The following JAM2 variants were observed in gnomAD, a reference collection of about 807,000 sequenced individuals.
JAM2 encodes the protein junctional adhesion molecule 2.
A neutral mutation model predicts 42.0 loss-of-function variants in JAM2; 17 were observed. That is an observed-to-expected ratio of 0.40 (90% CI 0.28 to 0.61). JAM2 has a LOEUF of 0.61. Ranked by LOEUF, JAM2 falls within the 20% of genes least tolerant of loss-of-function variation. The pLI is 0.37. For synonymous variants in JAM2, 118 were observed against 128.6 expected, an observed-to-expected ratio of 0.92 and a Z score of 0.56; for missense variants, 319 against 358.3, an observed-to-expected ratio of 0.89 and a Z score of 0.89.
Position 25,715,012 on chromosome 21 carries a change from C to A in JAM2, c.*340C>A. The A allele has an allele frequency of 5.5e-6, 1 of 182,196 alleles. No individual in the cohort carries two copies. The highest frequency in any genetic ancestry group is 1.1e-5 in the Non-Finnish European group (1 of 88,472). 11.3% of individuals were successfully genotyped at this position (182,196 alleles called of 1,614,324 possible). On this transcript the variant is annotated 3_prime_UTR_variant, in exon 10 of 10. Transcript: ENST00000480456. ...CTGATTGTGAAGTCAATCCACAGGT[C>A]ATGAAAATATAAATCAGACTCTGCA... is the stretch of plus-strand genomic sequence containing the variant.
At chr21:25,694,071 C>A (rs887712050) in intron 4 of JAM2, among the ~76,000 whole-genome samples, 163 bp downstream of exon 4, 1 of 152,222 alleles carries the variant, frequency 6.6e-6, no homozygotes, top group African/African-American at 2.4e-5. Context: ...AATCTCCTGG[C>A]CATTTCTCCC....
chr21:25,682,429 G>A (rs527314403), intron 1 of JAM2, among the ~76,000 whole-genome samples: 19 of 152,352 alleles, frequency 1.2e-4, no homozygotes, highest in African/African-American at 4.3e-4. Context: ...AGTATGTGAA[G>A]GTGAAATGGG....
chr21:25,712,272 A>C, intron 8 of JAM2, 68 bp from the exon 9 acceptor site: 4 of 1,051,232 alleles, frequency 3.8e-6, no homozygotes, highest in Non-Finnish European at 6.0e-6. Flanking sequence ...AATTAACTAA[A>C]AGAGCATATA....
At chr21:25,645,693 AG>A (rs1368159171) in intron 1 of JAM2, among the ~76,000 whole-genome samples, 2 of 152,186 alleles carry the variant, frequency 1.3e-5, no homozygotes, top group Non-Finnish European at 2.9e-5. Context: ...ATGTGTCGTT[AG>A]GTGATTTTGT....
chr21:25,685,139 A>T (rs1200487806), intron 2 of JAM2, among the ~76,000 whole-genome samples: 2 of 152,178 alleles, frequency 1.3e-5, no homozygotes, highest in African/African-American at 4.8e-5. Flanking sequence ...CAAAGATTGA[A>T]GTAAAGGCCT....
intron 7 of JAM2, among the ~76,000 whole-genome samples, chr21:25,708,760 T>C (rs1429476753): frequency 1.3e-5 from 2 of 152,206 alleles, no homozygotes; most frequent in East Asian, 3.8e-4. Flanking sequence ...AATACTGGTC[T>C]GAGTTTTTTT....
intron 4 of JAM2, among the ~76,000 whole-genome samples, chr21:25,695,126 G>A (rs917030281): frequency 1.3e-5 from 2 of 152,036 alleles, no homozygotes; most frequent in South Asian, 2.1e-4. Context: ...AGGACCCTGC[G>A]GCCTTCCGCA....
At chr21:25,708,611 C>T (rs1194179772) in intron 7 of JAM2, among the ~76,000 whole-genome samples, 3 of 152,128 alleles carry the variant, frequency 2.0e-5, no homozygotes, top group African/African-American at 7.2e-5. Context: ...AATACTTGTT[C>T]AGTGCTTCAA....
chr21:25,695,642 C>A (rs1004909294), intron 4 of JAM2, among the ~76,000 whole-genome samples: 9 of 150,744 alleles, frequency 6.0e-5, no homozygotes, highest in Non-Finnish European at 1.3e-4. Flanking sequence ...GGCGGCAGGG[C>A]GGAGATGCTC....
intron 8 of JAM2, chr21:25,712,073 T>A (rs1434086914): frequency 5.1e-6 from 2 of 392,804 alleles, no homozygotes; most frequent in Non-Finnish European, 9.3e-6. Flanking sequence ...CTGGTTTGTG[T>A]ATTCCACAAA....
intron 1 of JAM2, 124 bp from the exon 2 acceptor site, chr21:25,683,759 T>C: frequency 1.5e-6 from 1 of 653,974 alleles, no homozygotes; most frequent in Non-Finnish European, 2.7e-6. Flanking sequence ...AAACTATGTG[T>C]TATGAATTGG....
chr21:25,699,445 G>C (rs1006686711), intron 5 of JAM2, among the ~76,000 whole-genome samples: 4 of 152,060 alleles, frequency 2.6e-5, no homozygotes, highest in African/African-American at 9.7e-5. Flanking sequence ...TTGCGCGGCC[G>C]GGCGCAGTGG....
At position 25,717,445 on chromosome 21, in the gene JAM2, T is replaced by C; in HGVS notation, c.*2773T>C. 1 of 431,158 alleles carries C rather than the reference T, an allele frequency of 2.3e-6. No homozygotes were observed. The highest frequency in any genetic ancestry group is 4.0e-6 in the Non-Finnish European group (1 of 252,396). The allele number at this position is 431,158 out of a possible 1,614,324, so 26.7% of individuals were successfully genotyped here. On this transcript the variant is annotated 3_prime_UTR_variant, in exon 10 of 10. Transcript: ENST00000480456. The stretch of plus-strand genomic sequence containing the variant: ...TGTTGTAACTAGATTTAATTTATTT[T>C]TAGTTGGAGGTTTGACCTAAGTCTG...
chr21:25,673,356 T>G (rs1192864156), intron 1 of JAM2, among the ~76,000 whole-genome samples: 14 of 152,356 alleles, frequency 9.2e-5, no homozygotes, highest in Admixed American at 9.1e-4. Context: ...GCATGTAACT[T>G]ATATGAAAAT....
chr21:25,667,304 C>T (rs1215908678), intron 1 of JAM2, among the ~76,000 whole-genome samples: 1 of 152,204 alleles, frequency 6.6e-6, no homozygotes, highest in Non-Finnish European at 1.5e-5. Context: ...TCACTTGAAG[C>T]AGATGATTCT....
intron 2 of JAM2, among the ~76,000 whole-genome samples, chr21:25,686,271 C>T (rs1173980072): frequency 6.6e-6 from 1 of 152,152 alleles, no homozygotes; most frequent in African/African-American, 2.4e-5. Flanking sequence ...TTTCATCTCA[C>T]CTCTTTTTAA....
rs145620074 is a variant in JAM2 at position 25,640,708 on chromosome 21, G to A, written c.67+820G>A. Among the ~76,000 whole-genome samples, 4 of 152,312 alleles carry A rather than the reference G, an allele frequency of 2.6e-5. No individual in the cohort carries two copies. The East Asian group carries it at 7.7e-4, about 29-fold the overall frequency. On this transcript the variant is annotated intron_variant, in intron 1 of 9. Transcript: ENST00000480456. ...TAGGAAAATGGAGGAAATTACAATA[G>A]ACTAAGCAATGCAGTTCTACTTTTG...
chr21:25,672,769 G>A (rs143531161), intron 1 of JAM2, among the ~76,000 whole-genome samples: 38 of 152,224 alleles, frequency 2.5e-4, no homozygotes, highest in Non-Finnish European at 4.7e-4. Context: ...TTGCCATTAC[G>A]CCAAGTGTCT....
chr21:25,655,647 ATTT>A (rs536746237), intron 1 of JAM2, among the ~76,000 whole-genome samples: 16,259 of 90,090 alleles, frequency 0.18, 1,459 homozygotes, highest in East Asian at 0.55. Flanking sequence ...CGCCCAGCTA[ATTT>A]TTTTTTTTTT....
Sources: allele counts gnomAD v4.1 joint callset (sites outside exome capture counted in the v4.1 genomes callset), GRCh38; gene constraint gnomAD v4.1.1; transcripts MANE v1.5; gene names NCBI Gene and HGNC (gene_info 2026-07-23, HGNC 2026-07-21).